DTNA: variants seen among roughly 807,000 people sequenced by gnomAD.
The protein encoded by DTNA is dystrophin-related protein 3.
A neutral mutation model predicts 100.7 loss-of-function variants in DTNA; 43 were observed. That is an observed-to-expected ratio of 0.43 (90% confidence interval 0.33 to 0.55). DTNA has a LOEUF of 0.55. DTNA is among the 20% of genes least tolerant of loss of function. The pLI, the probability that DTNA is intolerant of heterozygous loss-of-function variation, is 0.04. For missense variants in DTNA, 798 were observed against 953.9 expected (o/e 0.84, Z 2.15); for synonymous variants, 349 against 347.9 (o/e 1.00, Z -0.04).
At chr18:34,554,770 G>GT (rs2045847543) in intron 1 of DTNA, among the ~76,000 whole-genome samples, 3 of 143,360 alleles carry the variant, frequency 2.1e-5, no homozygotes, top group African/African-American at 8.1e-5. Context: ...TGCTGGATTT[G>GT]TTTTGCCAGT....
intron 1 of DTNA, among the ~76,000 whole-genome samples, chr18:34,667,927 A>T (rs1051448025): frequency 6.6e-5 from 10 of 152,200 alleles, no homozygotes; most frequent in African/African-American, 1.7e-4. Flanking sequence ...CATCAGGATG[A>T]TGCTGGCCTC....
intron 1 of DTNA, among the ~76,000 whole-genome samples, chr18:34,515,683 T>C (rs1015535789): frequency 6.6e-6 from 1 of 152,138 alleles, no homozygotes; most frequent in Non-Finnish European, 1.5e-5. Context: ...CATTGCTTAA[T>C]GTATCCTGTT....
At chr18:34,768,057 A>G (rs1394352293) in intron 3 of DTNA, among the ~76,000 whole-genome samples, 2 of 152,196 alleles carry the variant, frequency 1.3e-5, no homozygotes, top group African/African-American at 4.8e-5. Context: ...TTCCCCTTCA[A>G]ACACATCACC....
At chr18:34,742,719 A>T (rs1269125340) in intron 1 of DTNA, among the ~76,000 whole-genome samples, 6 of 94,352 alleles carry the variant, frequency 6.4e-5, no homozygotes, top group Admixed American at 1.1e-4. Flanking sequence ...TCTCTTCTTA[A>T]AAACAGGGTA....
At chr18:34,513,204 C>T (rs1216166770) in intron 1 of DTNA, among the ~76,000 whole-genome samples, 4 of 151,992 alleles carry the variant, frequency 2.6e-5, no homozygotes, top group Non-Finnish European at 4.4e-5. Flanking sequence ...TGCTAATTTC[C>T]ATGTCCATGA....
intron 11 of DTNA, among the ~76,000 whole-genome samples, chr18:34,835,349 G>A (rs1235974687): frequency 6.6e-6 from 1 of 152,158 alleles, no homozygotes; most frequent in Non-Finnish European, 1.5e-5. Flanking sequence ...CATGGGAAAG[G>A]AACGGAAGAT....
rs555697898 is a variant in DTNA, at chr18:34,846,675, C to A, written c.1347-1621C>A. ...CTTATGAATGACCAGAAAAAAAAAACAAACCTGTTATATAGTGGATTCAGC... is the reference window on the plus strand; with the variant it reads ...CTTATGAATGACCAGAAAAAAAAAAAAAACCTGTTATATAGTGGATTCAGC... On this transcript the variant is annotated intron_variant, in intron 13 of 22. Coordinates refer to ENST00000444659, the MANE Select transcript of DTNA (RefSeq NM_001386795.1). Among the ~76,000 whole-genome samples the A allele has an allele frequency of 8.6e-5, 13 of 150,954 alleles. No individual in the cohort carries two copies. In the South Asian group the frequency reaches 1.0e-3, roughly 12 times the overall value.
intron 1 of DTNA, among the ~76,000 whole-genome samples, chr18:34,563,605 C>T (rs981425416): frequency 9.9e-5 from 15 of 152,174 alleles, no homozygotes; most frequent in African/African-American, 3.4e-4. Flanking sequence ...TCATCCTTCC[C>T]ACCTCATCAG....
intron 1 of DTNA, among the ~76,000 whole-genome samples, chr18:34,601,805 C>A (rs1023994090): frequency 6.6e-6 from 1 of 152,162 alleles, no homozygotes; most frequent in South Asian, 2.1e-4. Context: ...TAGGATTTTA[C>A]CTATCCTTAC....
At chr18:34,699,051 A>G (rs1235388486) in intron 1 of DTNA, among the ~76,000 whole-genome samples, 1 of 151,510 alleles carries the variant, frequency 6.6e-6, no homozygotes, top group Non-Finnish European at 1.5e-5. Flanking sequence ...AAAAGACTTT[A>G]TTTCTAAAGG....
At chr18:34,516,071 G>A (rs1568571537) in intron 1 of DTNA, among the ~76,000 whole-genome samples, 1 of 152,014 alleles carries the variant, frequency 6.6e-6, no homozygotes, top group Non-Finnish European at 1.5e-5. Context: ...GCTATTGGGG[G>A]AACCACCCCC....
intron 1 of DTNA, among the ~76,000 whole-genome samples, chr18:34,731,520 A>G (rs2088216794): frequency 6.6e-6 from 1 of 152,220 alleles, no homozygotes; most frequent in Admixed American, 6.5e-5. Context: ...AATTTTAGAT[A>G]AAAGGGATAT....
chr18:34,748,255 G>A (rs1247979543), intron 1 of DTNA, among the ~76,000 whole-genome samples: 2 of 152,082 alleles, frequency 1.3e-5, no homozygotes, highest in African/African-American at 2.4e-5. Flanking sequence ...CACTATATGG[G>A]TTTTCTGTTT....
chr18:34,842,212 T>G (rs567000284), intron 13 of DTNA, among the ~76,000 whole-genome samples: 2 of 152,310 alleles, frequency 1.3e-5, no homozygotes, highest in Admixed American at 1.3e-4. Flanking sequence ...GTCACTTGAT[T>G]AGACTCCTGA....
intron 13 of DTNA, among the ~76,000 whole-genome samples, chr18:34,842,945 A>G (rs895473127): frequency 6.6e-6 from 1 of 152,084 alleles, no homozygotes; most frequent in Non-Finnish European, 1.5e-5. Flanking sequence ...CTGTATCTTC[A>G]GTGGGGCAGG....
rs554438161 is a variant in DTNA at position 34,632,425 on chromosome 18, G to C, written c.-1-123551G>C. Among the ~76,000 whole-genome samples, 5 of 152,224 alleles carry C rather than the reference G, an allele frequency of 3.3e-5. No homozygotes were observed. The East Asian group carries it at 9.6e-4, about 29-fold the overall frequency. ...AATGATGCTGCTGTGCTTTGTTGTA[G>C]GTTTCTATATAACGCTGGGCATGGT... On this transcript the variant is annotated intron_variant, in intron 1 of 19. Coordinates refer to the DTNA transcript ENST00000283365.
intron 1 of DTNA, among the ~76,000 whole-genome samples, chr18:34,615,959 G>T (rs2055190920): frequency 1.3e-5 from 2 of 152,266 alleles, no homozygotes; most frequent in Middle Eastern, 3.4e-3. Flanking sequence ...TAGAGTATAT[G>T]TTCCACATTT....
At chr18:34,837,835 A>G (rs1437095611) in intron 11 of DTNA, among the ~76,000 whole-genome samples, 1 of 152,190 alleles carries the variant, frequency 6.6e-6, no homozygotes, top group East Asian at 1.9e-4. Flanking sequence ...AGACATACTC[A>G]ATATAAATGC....
chr18:34,531,689 T>G (rs1568600568), intron 1 of DTNA, among the ~76,000 whole-genome samples: 2 of 152,088 alleles, frequency 1.3e-5, no homozygotes, highest in African/African-American at 2.4e-5. Context: ...TTCTGTCCAG[T>G]TTTTTGAAGT....
Sources: allele counts gnomAD v4.1 joint callset (sites outside exome capture counted in the v4.1 genomes callset), GRCh38; gene constraint gnomAD v4.1.1; transcripts MANE v1.5; gene names NCBI Gene and HGNC (gene_info 2026-07-23, HGNC 2026-07-21).